Variants in PROM1 observed in about 807,000 individuals in gnomAD.
PROM1 encodes the protein prominin 1.
Under a neutral mutation model 116.9 loss-of-function variants are expected in PROM1, and 105 were observed. The ratio of observed to expected loss-of-function variants is 0.90; its 90% CI spans 0.77 to 1.06. The LOEUF (loss-of-function observed/expected upper bound fraction) is 1.06. Ranked by LOEUF, PROM1 falls within the 50% of genes least tolerant of loss-of-function variation. The probability of loss-of-function intolerance (pLI) is 0.00; values close to 1 mark genes in which losing one functional copy is unlikely to be tolerated. For missense variants in PROM1, 1,122 were observed against 1,045.2 expected, an observed-to-expected ratio of 1.07 and a Z score of -1.01; for synonymous variants, 393 against 387.0, an observed-to-expected ratio of 1.02 and a Z score of -0.18.
At position 16,076,075 on chromosome 4, in the gene PROM1, G is replaced by A. The variant is rs1317777917; in HGVS notation, c.-169C>T. On this transcript the variant is annotated 5_prime_UTR_variant, in exon 2 of 28. Coordinates refer to ENST00000447510, the MANE Select transcript of PROM1 (RefSeq NM_006017.3). Reference sequence around the variant, plus strand: ...GAGGCTGGCTTGAGGCGAGGGATGCGGAAGAATGTTCTCCAAGGGGGTCAT... The same window carrying A: ...GAGGCTGGCTTGAGGCGAGGGATGCAGAAGAATGTTCTCCAAGGGGGTCAT... The A allele has an allele frequency of 3.0e-6, 4 of 1,348,816 alleles. No individual in the cohort carries two copies. Among genetic ancestry groups the A allele is most frequent in the South Asian group, 3.3e-5 (2 of 60,632 alleles). The allele number at this position is 1,348,816 out of a possible 1,614,324, so 83.6% of individuals were successfully genotyped here. A position where few individuals can be genotyped will look rare whatever the true frequency, so the allele number is the denominator to read the frequency against.
chr4:15,969,978 C>T (rs1209569168), intron 27 of PROM1, among the ~76,000 whole-genome samples: 1 of 151,976 alleles, frequency 6.6e-6, no homozygotes. Flanking sequence ...GGTTTCACTA[C>T]ATTTTCCAAG....
At chr4:16,063,497 G>A (rs1413709179) in intron 2 of PROM1, among the ~76,000 whole-genome samples, 5 of 152,276 alleles carry the variant, frequency 3.3e-5, no homozygotes, top group Admixed American at 6.5e-5. Flanking sequence ...TCGGGAGGCC[G>A]AAGCAGGAGA....
intron 1 of PROM1, among the ~76,000 whole-genome samples, chr4:16,082,998 C>A (rs547335222): frequency 1.2e-3 from 176 of 151,902 alleles, no homozygotes; most frequent in African/African-American, 4.1e-3. Flanking sequence ...GCAGAAGGGC[C>A]GTGGAGCGAG....
intron 14 of PROM1, among the ~76,000 whole-genome samples, chr4:15,999,327 C>T (rs560737865): frequency 7.9e-5 from 12 of 152,030 alleles, no homozygotes; most frequent in South Asian, 2.1e-4. Flanking sequence ...AAAAATTAGC[C>T]GCGCGTGGTG....
intron 2 of PROM1, among the ~76,000 whole-genome samples, chr4:16,051,910 A>G (rs565051095): frequency 6.6e-6 from 1 of 152,320 alleles, no homozygotes; most frequent in East Asian, 1.9e-4. Context: ...CCTAGAATCC[A>G]ATACAAACAT....
At chr4:16,019,730 T>TAA (rs917509670) in intron 8 of PROM1, among the ~76,000 whole-genome samples, 1 of 152,204 alleles carries the variant, frequency 6.6e-6, no homozygotes, top group Non-Finnish European at 1.5e-5. Flanking sequence ...GGTCAGGTCT[T>TAA]CGCTCTGTGG....
At chr4:16,014,060 T>C (rs537986845) in intron 10 of PROM1, among the ~76,000 whole-genome samples, 3 of 152,122 alleles carry the variant, frequency 2.0e-5, no homozygotes, top group Non-Finnish European at 2.9e-5. Flanking sequence ...AAACCCCCCA[T>C]GAGAGGGAAA....
chr4:15,985,108 G>A (rs189235694), intron 22 of PROM1, among the ~76,000 whole-genome samples: 53 of 152,244 alleles, frequency 3.5e-4, no homozygotes, highest in Admixed American at 3.4e-3. Context: ...ATGGATAGTT[G>A]TACCTTTACT....
Position 15,979,407 on chromosome 4 carries a change from G to A in PROM1, c.2570C>T (p.Pro857Leu). 1 of 1,613,580 alleles carries A rather than the reference G, an allele frequency of 6.2e-7. No individual in the cohort carries two copies. Among genetic ancestry groups the A allele is most frequent in the South Asian group, 1.1e-5 (1 of 91,026 alleles). ...HKDHVYGIHN[P>L]VMTSPSQH ...GACTTTGCTTTACCTTGTCATAACAGGATTGTGAATACCATATACATGATC... is the reference window on the plus strand; with the variant it reads ...GACTTTGCTTTACCTTGTCATAACAAGATTGTGAATACCATATACATGATC... The change falls in exon 26 of 28, where the codon CCT becomes CTT. Residue 857 changes from proline to leucine, a missense_variant. Pro to Leu is a moderately conservative substitution (Grantham distance 98). Transcript: ENST00000447510.
chr4:15,994,687 T>G (rs1374672045), intron 15 of PROM1, among the ~76,000 whole-genome samples: 1 of 152,172 alleles, frequency 6.6e-6, no homozygotes, highest in African/African-American at 2.4e-5. Flanking sequence ...AATTTGACTT[T>G]TTTAGACTTG....
At chr4:16,033,586 C>CTTTTTTTT (rs60492380) in intron 4 of PROM1, 77 bp from the exon 5 acceptor site, 28 of 272,868 alleles carry the variant, frequency 1.0e-4, no homozygotes, top group Non-Finnish European at 1.2e-4. Flanking sequence ...GTACAAAGTT[C>CTTTTTTTT]TTTTTTTTTT....
At chr4:16,025,719 G>GCGCA (rs796381959) in intron 5 of PROM1, among the ~76,000 whole-genome samples, 1 of 150,160 alleles carries the variant, frequency 6.7e-6, no homozygotes, top group Non-Finnish European at 1.5e-5. Context: ...ACACACACAC[G>GCGCA]CACACACACA....
At chr4:16,015,135 C>G (rs1016464355) in intron 10 of PROM1, among the ~76,000 whole-genome samples, 1 of 151,832 alleles carries the variant, frequency 6.6e-6, no homozygotes, top group Admixed American at 6.6e-5. Context: ...CACCTGAGGT[C>G]AGGAATTCGA....
At chr4:16,007,721 T>TA (rs1375107023) in intron 12 of PROM1, among the ~76,000 whole-genome samples, 1 of 152,186 alleles carries the variant, frequency 6.6e-6, no homozygotes, top group Admixed American at 6.5e-5. Flanking sequence ...GGCAGTCAGG[T>TA]AGACAGGTAA....
At chr4:16,072,254 G>A (rs1234741034) in intron 2 of PROM1, among the ~76,000 whole-genome samples, 2 of 152,124 alleles carry the variant, frequency 1.3e-5, no homozygotes, top group Non-Finnish European at 2.9e-5. Context: ...ATACAAGAAG[G>A]GTTTCTCTTA....
chr4:15,971,120 A>C (rs1714439251), intron 26 of PROM1, 38 bp from the exon 27 acceptor site: 5 of 1,530,164 alleles, frequency 3.3e-6, no homozygotes, highest in South Asian at 2.4e-5. Flanking sequence ...AATACCCCCA[A>C]CAAAGCTGTG....
At position 15,974,877 on chromosome 4, in the gene PROM1, A is replaced by G. The variant is rs182702684; in HGVS notation, c.2583-3795T>C. On this transcript the variant is annotated intron_variant, in intron 26 of 27. Coordinates refer to ENST00000447510, the MANE Select transcript of PROM1 (RefSeq NM_006017.3). Reference sequence around the variant, plus strand: ...GCAACACCTGAAAACTGTTGGCGATAAACACTGGGGGAAATCACAGTCTCA... The same window carrying G: ...GCAACACCTGAAAACTGTTGGCGATGAACACTGGGGGAAATCACAGTCTCA... Among the ~76,000 whole-genome samples the G allele has an allele frequency of 1.1e-4, 17 of 152,338 alleles. No individual in the cohort carries two copies. In the East Asian group the frequency reaches 2.7e-3, roughly 24 times the overall value.
At chr4:16,065,447 C>T (rs1291189932) in intron 2 of PROM1, among the ~76,000 whole-genome samples, 1 of 152,030 alleles carries the variant, frequency 6.6e-6, no homozygotes, top group Non-Finnish European at 1.5e-5. Context: ...TGACCAATCC[C>T]TCCTCTACAC....
chr4:16,008,183 C>T (rs1028657134), intron 12 of PROM1, among the ~76,000 whole-genome samples: 51 of 152,270 alleles, frequency 3.3e-4, no homozygotes, highest in African/African-American at 1.2e-3. Flanking sequence ...TCCGGACTCC[C>T]CATGGGCTTG....
Sources: allele counts gnomAD v4.1 joint callset (sites outside exome capture counted in the v4.1 genomes callset), GRCh38; gene constraint gnomAD v4.1.1; transcripts MANE v1.5; gene names NCBI Gene and HGNC (gene_info 2026-07-23, HGNC 2026-07-21).